The following BCOR variants were observed in gnomAD, a reference collection of about 807,000 sequenced individuals.
BCOR encodes BCL6 corepressor, also known as BCL-6 corepressor.
Under a neutral mutation model 86.7 loss-of-function variants are expected in BCOR, and 10 were observed. The observed-to-expected ratio is 0.12, with a 90% CI of 0.07 to 0.20. The LOEUF (loss-of-function observed/expected upper bound fraction) is 0.20, where lower values mean the gene tolerates loss of function less well. Ranked by LOEUF, BCOR falls within the 10% of genes least tolerant of loss-of-function variation. BCOR has a pLI of 1.00. For missense variants in BCOR, 1,259 were observed against 1,452.1 expected, an observed-to-expected ratio of 0.87 and a Z score of 2.16; for synonymous variants, 611 against 609.0, an observed-to-expected ratio of 1.00 and a Z score of -0.05.
chrX:40,054,704 T>G lies in BCOR; in HGVS notation c.4742-371A>C, dbSNP rs1280680535. 4.5e-5 allele frequency among the ~76,000 whole-genome samples: 5 copies of G among 112,290 alleles called. No homozygotes were observed. The East Asian group carries it at 1.4e-3, about 31-fold the overall frequency. ...TTTTAGTAGACACAGGGTTTTACCATGTTGGCCAGGTTGGTCTTGAACTCC... is the reference window on the plus strand; with the variant it reads ...TTTTAGTAGACACAGGGTTTTACCAGGTTGGCCAGGTTGGTCTTGAACTCC... On this transcript the variant is annotated intron_variant, in intron 12 of 14. Coordinates refer to ENST00000378444, the MANE Select transcript of BCOR (RefSeq NM_001123385.2).
rs1179854829 is a variant in BCOR, at chrX:40,063,545, CAG to C, written c.3847+61_3847+62del. 16 of 962,561 alleles carry C rather than the reference CAG, an allele frequency of 1.7e-5. No individual in the cohort carries two copies. In the South Asian group the frequency reaches 2.8e-4, roughly 17 times the overall value. The allele number at this position is 962,561 out of a possible 1,213,427, so 79.3% of individuals were successfully genotyped here. ...AGATCTCCTCAAAAGCCCTTTCCTACAGAGAGTGGATGACCCACCCTCCAGGA... is the reference window on the plus strand; with the variant it reads ...AGATCTCCTCAAAAGCCCTTTCCTACAGAGTGGATGACCCACCCTCCAGGA... On this transcript the variant is annotated intron_variant, in intron 8 of 14. Coordinates refer to ENST00000378444, the MANE Select transcript of BCOR (RefSeq NM_001123385.2).
In BCOR at chrX:40,072,520, A is replaced by G; in HGVS notation, c.2826T>C (p.Asp942=). The G allele has an allele frequency of 8.3e-7, 1 of 1,212,083 alleles. No homozygotes were observed. The highest frequency in any genetic ancestry group is 1.8e-5 in the South Asian group (1 of 57,005). Residue 942 remains aspartate (D), a synonymous_variant, in exon 4 of 15, where the codon GAT becomes GAC. Coordinates refer to ENST00000378444, the MANE Select transcript of BCOR (RefSeq NM_001123385.2). ...SVDVTPTYTK[D]GADEAESNDG... The stretch of plus-strand genomic sequence containing the variant: ...CATTTGATTCAGCCTCATCAGCTCC[A>G]TCTTTGGTATAGGTGGGGGTCACAT...
chrX:40,157,389 G>A (rs181011411), intron 1 of BCOR, among the ~76,000 whole-genome samples: 23 of 111,986 alleles, frequency 2.1e-4, no homozygotes, highest in African/African-American at 7.1e-4. Flanking sequence ...CAAGAGAGAG[G>A]TAATTAAGAG....
rs188088880 is a variant in BCOR, at chrX:40,159,503, C to G, written c.-41+17504G>C. Reference sequence around the variant, plus strand: ...CTGGGACTACAGGCGCCTGCCAACGCGCCCGGCTAATTTTTTTTTTGTATT... The same window carrying G: ...CTGGGACTACAGGCGCCTGCCAACGGGCCCGGCTAATTTTTTTTTTGTATT... On this transcript the variant is annotated intron_variant, in intron 1 of 14. Coordinates refer to the BCOR transcript ENST00000342274. 3.1e-4 allele frequency among the ~76,000 whole-genome samples: 34 copies of G among 111,128 alleles called. No individual in the cohort carries two copies. The East Asian group carries it at 8.7e-3, about 29-fold the overall frequency.
intron 1 of BCOR, among the ~76,000 whole-genome samples, chrX:40,107,211 GA>G (rs1373013603): frequency 8.9e-6 from 1 of 111,955 alleles, no homozygotes; most frequent in Non-Finnish European, 1.9e-5. Flanking sequence ...CGAAAGCGGG[GA>G]AACGTCGGAT....
chrX:40,101,936 T>C (rs1030748492), upstream of BCOR, among the ~76,000 whole-genome samples: 2 of 111,988 alleles, frequency 1.8e-5, no homozygotes, highest in East Asian at 2.8e-4. Flanking sequence ...CCCACACTTA[T>C]AGTCTTCTGG....
At chrX:40,112,173 C>A (rs2147840497) in intron 1 of BCOR, among the ~76,000 whole-genome samples, 1 of 111,703 alleles carries the variant, frequency 9.0e-6, no homozygotes, top group South Asian at 3.7e-4. Flanking sequence ...GAACCGCTTT[C>A]AATTTCTTTG....
intron 1 of BCOR, among the ~76,000 whole-genome samples, chrX:40,152,948 G>C (rs1938201061): frequency 8.9e-6 from 1 of 112,932 alleles, no homozygotes. Context: ...GATGGTCAAA[G>C]TGGGGGGTGA....
At chrX:40,127,303 C>G (rs1432093265) in intron 1 of BCOR, among the ~76,000 whole-genome samples, 1 of 111,967 alleles carries the variant, frequency 8.9e-6, no homozygotes, top group African/African-American at 3.2e-5. Flanking sequence ...AGAAGAGTGA[C>G]AGTTCACTGC....
upstream of BCOR, among the ~76,000 whole-genome samples, chrX:40,102,314 C>T (rs917285861): frequency 2.7e-5 from 3 of 112,936 alleles, no homozygotes; most frequent in African/African-American, 9.6e-5. Flanking sequence ...CCTGAGCTCC[C>T]CGAACACAGG....
upstream of BCOR, among the ~76,000 whole-genome samples, chrX:40,102,722 T>C (rs890938089): frequency 2.6e-5 from 3 of 113,308 alleles, no homozygotes; most frequent in Non-Finnish European, 3.7e-5. Context: ...CCGAACCCCT[T>C]CGCGGTACCA....
At chrX:40,090,080 G>C (rs1166455042) in intron 1 of BCOR, among the ~76,000 whole-genome samples, 3 of 112,524 alleles carry the variant, frequency 2.7e-5, no homozygotes, top group Non-Finnish European at 5.6e-5. Context: ...CAGATGTTCC[G>C]GGAACTACCT....
chrX:40,105,218 G>GC (rs1356846801), intron 1 of BCOR, among the ~76,000 whole-genome samples: 1 of 110,994 alleles, frequency 9.0e-6, no homozygotes, highest in Non-Finnish European at 1.9e-5. Flanking sequence ...CCACCCTGCG[G>GC]CCCCCATCCC....
At chrX:40,071,905 CT>C (rs1205353057) in intron 4 of BCOR, 565 of 357,539 alleles carry the variant, frequency 1.6e-3, no homozygotes, top group Middle Eastern at 2.3e-3. Context: ...AACCTTTTTT[CT>C]TTTTTTTTTC....
intron 1 of BCOR, among the ~76,000 whole-genome samples, chrX:40,138,711 C>T (rs1410424773): frequency 3.6e-5 from 4 of 109,971 alleles, no homozygotes; most frequent in South Asian, 3.9e-4. Context: ...CCCACCACCA[C>T]GCCTGCCTAA....
intron 1 of BCOR, among the ~76,000 whole-genome samples, chrX:40,171,962 G>A (rs1416582303): frequency 8.9e-6 from 1 of 112,701 alleles, no homozygotes; most frequent in African/African-American, 3.2e-5. Context: ...TCTCAACGCC[G>A]GCAAGTGCAG....
chrX:40,147,603 C>G (rs1011119662), intron 1 of BCOR, among the ~76,000 whole-genome samples: 1 of 113,254 alleles, frequency 8.8e-6, no homozygotes, highest in African/African-American at 3.2e-5. Context: ...CGCAAAGACG[C>G]ACTCGGAGAG....
Position 40,074,131 on chromosome X carries a change from T to A in BCOR, c.1215A>T (p.Pro405=). The change falls in exon 4 of 15, where the codon CCA becomes CCT. Residue 405 remains proline (P), a synonymous_variant. Coordinates refer to ENST00000378444, the MANE Select transcript of BCOR (RefSeq NM_001123385.2). ...CTGTCTTCCGGGCATGCCCGGGCAC[T>A]GGCTGGGCACCTTCGCCCCCTTCCG... is the stretch of plus-strand genomic sequence containing the variant. ...KAPEGGEGAQ[P]VPGHARKTAV... 8.2e-7 allele frequency: 1 copy of A among 1,212,438 alleles called. No individual in the cohort carries two copies. The highest frequency in any genetic ancestry group is 1.1e-6 in the Non-Finnish European group (1 of 895,621).
chrX:40,062,483 C>A, intron 9 of BCOR, 90 bp from the exon 10 acceptor site: 1 of 1,091,311 alleles, frequency 9.2e-7, no homozygotes, highest in Non-Finnish European at 1.2e-6. Flanking sequence ...GACAAACCTG[C>A]GTGGAGAGAG....
Sources: allele counts gnomAD v4.1 joint callset (sites outside exome capture counted in the v4.1 genomes callset), GRCh38; gene constraint gnomAD v4.1.1; transcripts MANE v1.5; gene names NCBI Gene and HGNC (gene_info 2026-07-23, HGNC 2026-07-21).